PYGO1: variants seen among roughly 807,000 people sequenced by gnomAD.
The protein encoded by PYGO1 is pygopus homolog 1.
In PYGO1, 6 loss-of-function variants were observed where a neutral mutation model predicts 29.5. That is an observed-to-expected ratio of 0.20 (90% confidence interval 0.11 to 0.40). The LOEUF (loss-of-function observed/expected upper bound fraction) is 0.40. Among genes scored for constraint, PYGO1 ranks in the 10% least tolerant of loss-of-function variants. PYGO1 has a pLI of 1.00. For missense variants in PYGO1, 515 were observed against 514.9 expected (o/e 1.00, Z 0.00); for synonymous variants, 186 against 180.5 (o/e 1.03, Z -0.24).
chr15:55,554,283 T>C (rs1008940806), intron 1 of PYGO1, among the ~76,000 whole-genome samples: 7 of 151,694 alleles, frequency 4.6e-5, no homozygotes, highest in Non-Finnish European at 8.8e-5. Flanking sequence ...GCTAACATGG[T>C]GAAACCCCAT....
At position 55,542,455 on chromosome 15, in the gene PYGO1, C is replaced by T. The variant is rs898085954; in HGVS notation, c.*3568G>A. On this transcript the variant is annotated 3_prime_UTR_variant, in exon 3 of 3. Coordinates refer to ENST00000563719, the MANE Select transcript of PYGO1 (RefSeq NM_001367806.1). ...TATAGCAGTACTCTAAAGTATTTCA[C>T]ACAAAAGGAAAACACTGATCACAAA... 2 of 152,166 alleles carry T rather than the reference C, an allele frequency of 1.3e-5. No homozygotes were observed. Among genetic ancestry groups the T allele is most frequent in the African/African-American group, 4.8e-5 (2 of 41,440 alleles). The allele number at this position is 152,166 out of a possible 1,614,324, so 9.4% of individuals were successfully genotyped here. A position where few individuals can be genotyped will look rare whatever the true frequency, so the allele number is the denominator to read the frequency against.
chr15:55,576,708 T>G (rs573794156), intron 1 of PYGO1, among the ~76,000 whole-genome samples: 1 of 134,644 alleles, frequency 7.4e-6, no homozygotes, highest in African/African-American at 2.8e-5. Context: ...GAGGTGGAGG[T>G]TGCAGTGAGC....
At chr15:55,556,942 C>A (rs576925089) in intron 1 of PYGO1, among the ~76,000 whole-genome samples, 1 of 151,564 alleles carries the variant, frequency 6.6e-6, no homozygotes, top group South Asian at 2.1e-4. Flanking sequence ...CAAGACTGAA[C>A]CAGGAAGAAA....
chr15:55,578,700 T>C (rs2059014058), intron 1 of PYGO1, among the ~76,000 whole-genome samples: 1 of 152,222 alleles, frequency 6.6e-6, no homozygotes, highest in Non-Finnish European at 1.5e-5. Flanking sequence ...TTTCTTAGGT[T>C]GTATTTTGTT....
intron 1 of PYGO1, among the ~76,000 whole-genome samples, chr15:55,585,604 A>T (rs61517562): frequency 0.058 from 8,832 of 152,240 alleles, 488 homozygotes; most frequent in East Asian, 0.16. Flanking sequence ...TCTGGTACTT[A>T]ACTCTCAGAA....
rs1176830243 is a variant in PYGO1, at chr15:55,542,135, T to A, written c.*3888A>T. ...TCATTGCTTATATATTTTCTTACTATTAAATACAATTACTATAGTACATTG... is the reference window on the plus strand; with the variant it reads ...TCATTGCTTATATATTTTCTTACTAATAAATACAATTACTATAGTACATTG... On this transcript the variant is annotated 3_prime_UTR_variant, in exon 3 of 3. Transcript: ENST00000563719. The A allele has an allele frequency of 1.3e-5, 2 of 152,224 alleles. No homozygotes were observed. The highest frequency in any genetic ancestry group is 3.8e-4 in the East Asian group (2 of 5,200). The allele number at this position is 152,224 out of a possible 1,614,324, so 9.4% of individuals were successfully genotyped here. A position where few individuals can be genotyped will look rare whatever the true frequency, so the allele number is the denominator to read the frequency against.
rs2141636881 is a variant in PYGO1, at chr15:55,540,376, A to G, written c.*5647T>C. ...GGTTGGGAAATATCAGCACAAGTTA[A>G]AAGTTACTATATAATTTTAGTAGTA... On this transcript the variant is annotated 3_prime_UTR_variant, in exon 3 of 3. Transcript: ENST00000563719. The G allele has an allele frequency of 6.6e-6, 1 of 152,224 alleles. No homozygotes were observed. The highest frequency in any genetic ancestry group is 1.5e-5 in the Non-Finnish European group (1 of 67,942). 9.4% of individuals were successfully genotyped at this position (152,224 alleles called of 1,614,324 possible).
chr15:55,588,808 C>T (rs1189066235), upstream of PYGO1: 1 of 1,613,792 alleles, frequency 6.2e-7, no homozygotes, highest in East Asian at 2.2e-5. Flanking sequence ...ACGTACCATG[C>T]GAGGAAACTT....
intron 1 of PYGO1, among the ~76,000 whole-genome samples, chr15:55,569,253 C>T (rs1567057149): frequency 6.6e-6 from 1 of 151,874 alleles, no homozygotes; most frequent in East Asian, 1.9e-4. Context: ...TTCATTGATA[C>T]TTTGTATGGA....
At chr15:55,580,532 T>C (rs1331353763) in intron 1 of PYGO1, among the ~76,000 whole-genome samples, 1 of 152,210 alleles carries the variant, frequency 6.6e-6, no homozygotes, top group Non-Finnish European at 1.5e-5. Flanking sequence ...TATTAACCAA[T>C]TTAATCCTTC....
At chr15:55,583,030 C>G (rs1031737329) in intron 1 of PYGO1, among the ~76,000 whole-genome samples, 6 of 152,108 alleles carry the variant, frequency 3.9e-5, no homozygotes, top group African/African-American at 1.4e-4. Flanking sequence ...ATTTCTAACT[C>G]TGGTTAAAAG....
chr15:55,587,994 C>G lies in PYGO1; in HGVS notation c.-111G>C. On this transcript the variant is annotated 5_prime_UTR_variant, in exon 1 of 3. Transcript: ENST00000563719. ...GCCGCTGCGGCTGCGAGGCAAGCCTCGGAGCCGAGGCACGGCCGAGGGCGG... is the reference window on the plus strand; with the variant it reads ...GCCGCTGCGGCTGCGAGGCAAGCCTGGGAGCCGAGGCACGGCCGAGGGCGG... 1 of 1,382,254 alleles carries G rather than the reference C, an allele frequency of 7.2e-7. No individual in the cohort carries two copies. Among genetic ancestry groups the G allele is most frequent in the Non-Finnish European group, 9.4e-7 (1 of 1,060,116 alleles). 85.6% of individuals were successfully genotyped at this position (1,382,254 alleles called of 1,614,324 possible).
intron 1 of PYGO1, among the ~76,000 whole-genome samples, chr15:55,551,284 T>C (rs2058877631): frequency 6.6e-6 from 1 of 152,236 alleles, no homozygotes; most frequent in South Asian, 2.1e-4. Flanking sequence ...AGGAACCTAA[T>C]TTCTGGTTGA....
chr15:55,557,642 A>T (rs2058912390), intron 1 of PYGO1, among the ~76,000 whole-genome samples: 1 of 152,186 alleles, frequency 6.6e-6, no homozygotes, highest in South Asian at 2.1e-4. Context: ...AAGCTTATCC[A>T]CCATGATCAA....
chr15:55,551,467 GAAAAAACC>G (rs2058878329), intron 1 of PYGO1, among the ~76,000 whole-genome samples: 1 of 151,980 alleles, frequency 6.6e-6, no homozygotes, highest in Non-Finnish European at 1.5e-5. Context: ...ATCACAAGGG[GAAAAAACC>G]AAAAAACCAC....
At chr15:55,557,075 T>C (rs2058909334) in intron 1 of PYGO1, among the ~76,000 whole-genome samples, 1 of 151,012 alleles carries the variant, frequency 6.6e-6, no homozygotes, top group Non-Finnish European at 1.5e-5. Context: ...ACTGAAACTG[T>C]TCCAAAGAAA....
chr15:55,573,393 G>C (rs1280486678), intron 1 of PYGO1, among the ~76,000 whole-genome samples: 1 of 152,116 alleles, frequency 6.6e-6, no homozygotes, highest in East Asian at 1.9e-4. Flanking sequence ...CTGCTGGTGG[G>C]AATGTAAGTT....
At chr15:55,580,932 T>C (rs567817472) in intron 1 of PYGO1, among the ~76,000 whole-genome samples, 46 of 152,348 alleles carry the variant, frequency 3.0e-4, no homozygotes, top group Admixed American at 1.8e-3. Context: ...TTGAAGTTAC[T>C]GAAACCTCTT....
chr15:55,576,951 C>T (rs2059005411), intron 1 of PYGO1, among the ~76,000 whole-genome samples: 1 of 151,730 alleles, frequency 6.6e-6, no homozygotes, highest in South Asian at 2.1e-4. Flanking sequence ...CTGAGAACTA[C>T]GTAGCTAGGC....
Sources: gnomAD v4.1 joint callset for allele counts (sites outside exome capture counted in the v4.1 genomes callset) on GRCh38, gnomAD v4.1.1 for gene constraint, MANE v1.5 for transcripts, NCBI Gene and HGNC (gene_info 2026-07-23, HGNC 2026-07-21) for gene names.